DNER: variants seen among roughly 807,000 people sequenced by gnomAD.
DNER encodes the protein delta/notch like EGF repeat containing.
DNER carries 33 observed loss-of-function variants against 78.2 expected under a neutral mutation model. That is an observed-to-expected ratio of 0.42 (90% CI 0.32 to 0.56). DNER has a LOEUF of 0.56. DNER is among the 20% of genes least tolerant of loss of function. The pLI is 0.11. For synonymous variants in DNER, 417 were observed against 384.8 expected, an observed-to-expected ratio of 1.08 and a Z score of -0.98; for missense variants, 918 against 975.3, an observed-to-expected ratio of 0.94 and a Z score of 0.78.
intron 1 of DNER, among the ~76,000 whole-genome samples, chr2:229,684,254 G>A (rs1281363322): frequency 6.7e-6 from 1 of 150,294 alleles, no homozygotes; most frequent in African/African-American, 2.4e-5. Context: ...GCTTCCAATA[G>A]GAGGTGATGG....
intron 1 of DNER, among the ~76,000 whole-genome samples, chr2:229,605,286 G>A (rs1224927879): frequency 6.6e-6 from 1 of 152,266 alleles, no homozygotes; most frequent in South Asian, 2.1e-4. Context: ...GAAGCAAAGG[G>A]ATGAGGGCAG....
chr2:229,668,879 C>T (rs1251749235), intron 1 of DNER, among the ~76,000 whole-genome samples: 2 of 151,760 alleles, frequency 1.3e-5, no homozygotes, highest in African/African-American at 2.4e-5. Flanking sequence ...GGTATATATC[C>T]AAAGAATTAT....
chr2:229,608,877 C>T (rs1050309551), intron 1 of DNER, among the ~76,000 whole-genome samples: 1 of 152,092 alleles, frequency 6.6e-6, no homozygotes, highest in Non-Finnish European at 1.5e-5. Context: ...TTATACTATT[C>T]TCCATTCTTT....
At chr2:229,681,927 G>C (rs910858223) in intron 1 of DNER, among the ~76,000 whole-genome samples, 1 of 151,394 alleles carries the variant, frequency 6.6e-6, no homozygotes, top group Admixed American at 6.6e-5. Flanking sequence ...TTTTAATTTA[G>C]TAAATGTCAT....
chr2:229,665,179 A>G (rs952312536), intron 1 of DNER, among the ~76,000 whole-genome samples: 8 of 152,250 alleles, frequency 5.3e-5, no homozygotes, highest in Non-Finnish European at 1.2e-4. Flanking sequence ...CCAAAAAGCC[A>G]TCACAAGAAG....
chr2:229,501,223 T>C (rs945329603), intron 6 of DNER, among the ~76,000 whole-genome samples: 7 of 152,018 alleles, frequency 4.6e-5, no homozygotes, highest in Admixed American at 2.0e-4. Flanking sequence ...CAGAGATCTA[T>C]TGTACAACAC....
intron 7 of DNER, among the ~76,000 whole-genome samples, chr2:229,470,383 A>G (rs1379683901): frequency 6.6e-6 from 1 of 152,150 alleles, no homozygotes; most frequent in African/African-American, 2.4e-5. Context: ...CTGGTCATTC[A>G]CTGAAAGTTA....
chr2:229,389,089 G>C (rs1188941723), intron 10 of DNER, among the ~76,000 whole-genome samples: 1 of 151,984 alleles, frequency 6.6e-6, no homozygotes. Context: ...TGTGAAGTCT[G>C]GGGTTAGTCT....
intron 11 of DNER, among the ~76,000 whole-genome samples, chr2:229,377,983 C>G (rs1692645542): frequency 6.6e-6 from 1 of 152,072 alleles, no homozygotes; most frequent in South Asian, 2.1e-4. Flanking sequence ...TCAATGCAAC[C>G]AGAAGAGTCC....
intron 4 of DNER, among the ~76,000 whole-genome samples, chr2:229,556,929 T>G (rs935294276): frequency 2.0e-5 from 3 of 152,226 alleles, no homozygotes; most frequent in Non-Finnish European, 4.4e-5. Context: ...CAGGTAAAAG[T>G]GCAATTTCAG....
At chr2:229,687,737 A>G (rs1699509720) in intron 1 of DNER, among the ~76,000 whole-genome samples, 1 of 152,220 alleles carries the variant, frequency 6.6e-6, no homozygotes, top group African/African-American at 2.4e-5. Context: ...ATTTTTAATG[A>G]AATTTGACAC....
intron 1 of DNER, among the ~76,000 whole-genome samples, chr2:229,669,916 A>C (rs193258514): frequency 1.3e-5 from 2 of 152,210 alleles, no homozygotes; most frequent in African/African-American, 2.4e-5. Context: ...ATGAGAACAC[A>C]GGAATTGTCC....
chr2:229,709,284 T>A (rs1200422240), intron 1 of DNER, among the ~76,000 whole-genome samples: 2 of 152,246 alleles, frequency 1.3e-5, no homozygotes, highest in African/African-American at 4.8e-5. Context: ...GTGAGTTACA[T>A]CATTTCTATA....
chr2:229,624,620 A>G (rs532652021), intron 1 of DNER, among the ~76,000 whole-genome samples: 80 of 152,360 alleles, frequency 5.3e-4, no homozygotes, highest in African/African-American at 1.9e-3. Context: ...CCTGTCTTAA[A>G]TAGTACTTAA....
chr2:229,444,947 G>A (rs111518507), intron 8 of DNER, among the ~76,000 whole-genome samples: 12 of 152,304 alleles, frequency 7.9e-5, no homozygotes, highest in African/African-American at 2.6e-4. Context: ...TTGTTTTCTG[G>A]TCTTACAATA....
At chr2:229,540,363 A>T (rs1696487887) in intron 5 of DNER, among the ~76,000 whole-genome samples, 1 of 152,178 alleles carries the variant, frequency 6.6e-6, no homozygotes, top group Non-Finnish European at 1.5e-5. Flanking sequence ...GTAGCTGCTC[A>T]TACATCAGCT....
chr2:229,696,486 T>C (rs208782), intron 1 of DNER, among the ~76,000 whole-genome samples: 128,490 of 152,144 alleles, frequency 0.84, 54,486 homozygotes, highest in East Asian at 0.94. Flanking sequence ...CAGTTTCCTC[T>C]TCAGTGGAGT....
chr2:229,585,108 C>A (rs920580918), intron 4 of DNER, among the ~76,000 whole-genome samples: 118 of 152,136 alleles, frequency 7.8e-4, no homozygotes, highest in Admixed American at 7.7e-3. Context: ...AGTGGCAAAT[C>A]ACTGTGAGGT....
intron 10 of DNER, among the ~76,000 whole-genome samples, chr2:229,406,401 C>A (rs977505512): frequency 3.9e-5 from 6 of 152,098 alleles, no homozygotes; most frequent in African/African-American, 1.2e-4. Context: ...CTCTACATTT[C>A]AAGATCCCTG....
Sources: allele counts gnomAD v4.1 joint callset (sites outside exome capture counted in the v4.1 genomes callset), GRCh38; gene constraint gnomAD v4.1.1; transcripts MANE v1.5; gene names NCBI Gene and HGNC (gene_info 2026-07-23, HGNC 2026-07-21).